The following ARHGAP32 variants were observed in gnomAD, a reference collection of about 807,000 sequenced individuals.
ARHGAP32 encodes Rho GTPase activating protein 32, also known as rho GTPase-activating protein 32.
Under a neutral mutation model 186.5 loss-of-function variants are expected in ARHGAP32, and 51 were observed. That is an observed-to-expected ratio of 0.27 (90% confidence interval 0.22 to 0.35). The LOEUF (loss-of-function observed/expected upper bound fraction) is 0.35. ARHGAP32 is among the 10% of genes least tolerant of loss of function. The pLI, the probability that ARHGAP32 is intolerant of heterozygous loss-of-function variation, is 1.00. For missense variants in ARHGAP32, 2,186 were observed against 2,623.5 expected (o/e 0.83, Z 3.64); for synonymous variants, 950 against 964.3 (o/e 0.99, Z 0.27).
At chr11:129,189,698 T>A (rs183527899) in intron 1 of ARHGAP32, among the ~76,000 whole-genome samples, 8 of 152,248 alleles carry the variant, frequency 5.3e-5, no homozygotes, top group African/African-American at 1.9e-4. Flanking sequence ...ACTACCACCA[T>A]GAAGGAGACC....
At chr11:128,989,842 A>C (rs1367342198) in intron 12 of ARHGAP32, among the ~76,000 whole-genome samples, 1 of 151,988 alleles carries the variant, frequency 6.6e-6, no homozygotes, top group Non-Finnish European at 1.5e-5. Context: ...TAGTTTGCTG[A>C]GAATGATGGC....
At chr11:129,015,637 C>T (rs1266409497) in intron 11 of ARHGAP32, among the ~76,000 whole-genome samples, 4 of 152,240 alleles carry the variant, frequency 2.6e-5, no homozygotes, top group African/African-American at 9.6e-5. Flanking sequence ...TAGCCATAAA[C>T]AATACTAACA....
chr11:129,074,734 C>T (rs12280795), intron 6 of ARHGAP32, among the ~76,000 whole-genome samples: 2,958 of 152,178 alleles, frequency 0.019, 46 homozygotes, highest in African/African-American at 0.041. Flanking sequence ...CCACATGATC[C>T]GCTCGCCTTG....
intron 2 of ARHGAP32, among the ~76,000 whole-genome samples, chr11:129,134,121 A>T (rs772475444): frequency 2.0e-4 from 30 of 152,124 alleles, no homozygotes; most frequent in Non-Finnish European, 3.7e-4. Flanking sequence ...ACGATCAAAC[A>T]GATCATCCCA....
At chr11:129,212,052 G>A (rs1238905484) in intron 1 of ARHGAP32, among the ~76,000 whole-genome samples, 1 of 152,150 alleles carries the variant, frequency 6.6e-6, no homozygotes, top group East Asian at 1.9e-4. Flanking sequence ...CTACTTGGGG[G>A]ACTGAGGTGG....
chr11:129,107,743 C>T (rs746002168), intron 5 of ARHGAP32, among the ~76,000 whole-genome samples: 3 of 152,002 alleles, frequency 2.0e-5, no homozygotes, highest in Non-Finnish European at 4.4e-5. Flanking sequence ...TGGCACATGC[C>T]TGTAATCCCA....
chr11:129,036,185 C>T (rs1939327040), intron 11 of ARHGAP32, among the ~76,000 whole-genome samples: 1 of 151,886 alleles, frequency 6.6e-6, no homozygotes, highest in Non-Finnish European at 1.5e-5. Context: ...TTGAGACCAG[C>T]CTGACCAACA....
chr11:129,128,865 G>A (rs191715302), intron 2 of ARHGAP32, among the ~76,000 whole-genome samples: 2,079 of 152,270 alleles, frequency 0.014, 16 homozygotes, highest in Middle Eastern at 0.02. Flanking sequence ...GATTGCAGAC[G>A]GAGTCTCGCT....
In ARHGAP32 at chr11:129,208,384, G is replaced by A. The variant is rs143186823; in HGVS notation, c.-4-43957C>T. ...TTAATAAACCTTGCTGAGCCTGGGC[G>A]TCCAGCATGTTAGTTCCAAGTAATG... On this transcript the variant is annotated intron_variant, in intron 1 of 6. Coordinates refer to the ARHGAP32 transcript ENST00000525234. 4.3e-4 allele frequency among the ~76,000 whole-genome samples: 65 copies of A among 152,214 alleles called. 1 individual carries two copies. The East Asian group carries it at 8.3e-3, about 19-fold the overall frequency.
chr11:129,128,822 T>C (rs1197796369), intron 2 of ARHGAP32, among the ~76,000 whole-genome samples: 1 of 152,216 alleles, frequency 6.6e-6, no homozygotes, highest in Non-Finnish European at 1.5e-5. Flanking sequence ...TGACCGCAAG[T>C]GATCTGCCTG....
At chr11:129,216,547 C>T (rs1408771821) in intron 1 of ARHGAP32, among the ~76,000 whole-genome samples, 2 of 151,662 alleles carry the variant, frequency 1.3e-5, no homozygotes, top group East Asian at 3.9e-4. Context: ...GTGGCTGGTG[C>T]CTGTAATCCC....
At chr11:129,248,803 A>AC (rs1481871589) in intron 1 of ARHGAP32, among the ~76,000 whole-genome samples, 1 of 152,112 alleles carries the variant, frequency 6.6e-6, no homozygotes, top group African/African-American at 2.4e-5. Flanking sequence ...GTTAACTATG[A>AC]CCATGTGTTT....
intron 1 of ARHGAP32, among the ~76,000 whole-genome samples, chr11:129,200,573 A>C (rs1350788218): frequency 6.6e-6 from 1 of 152,108 alleles, no homozygotes; most frequent in Non-Finnish European, 1.5e-5. Context: ...GCCACATAGA[A>C]CTGTGAGTCC....
chr11:128,969,627 C>G lies in ARHGAP32; in HGVS notation c.5586G>C (p.Thr1862=), dbSNP rs61746237. The G allele has an allele frequency of 1.2e-6, 2 of 1,614,032 alleles. No homozygotes were observed. The change falls in exon 23 of 23, where the codon ACG becomes ACC. Residue 1862 remains threonine, a synonymous_variant. Transcript: ENST00000682385. This position sits in a 1 kb window ranked among gnomAD's most constrained non-coding sequence, Gnocchi z 4.8. ...RAHHHGGHGS[T]QPEKPSLPQK... is the part of the protein sequence containing the mutation. ...GAGGCAGGGATGGCTTCTCCGGCTG[C>G]GTGCTACCATGGCCTCCGTGATGGT...
chr11:128,972,741 A>G lies in ARHGAP32; in HGVS notation c.3765T>C (p.Pro1255=). ...ADKSPTPPNL[P]SDKIYPPSGS... is the part of the protein sequence containing the mutation. ...CAGAAGGAGGGTAGATTTTATCGCTAGGTAAATTAGGAGGTGTGGGAGATT... is the reference window on the plus strand; with the variant it reads ...CAGAAGGAGGGTAGATTTTATCGCTGGGTAAATTAGGAGGTGTGGGAGATT... The change falls in exon 22 of 23, where the codon CCT becomes CCC. Residue 1255 remains proline (P), a synonymous_variant. Transcript: ENST00000682385. 6.2e-7 allele frequency: 1 copy of G among 1,613,924 alleles called. No homozygotes were observed. The highest frequency in any genetic ancestry group is 1.1e-5 in the South Asian group (1 of 91,074).
chr11:129,054,068 A>AC (rs1023394087), intron 10 of ARHGAP32, among the ~76,000 whole-genome samples: 1 of 151,652 alleles, frequency 6.6e-6, no homozygotes, highest in African/African-American at 2.4e-5. Context: ...CTTGAGGTAA[A>AC]AAAAAAAAAC....
chr11:129,128,664 G>C (rs1942719676), intron 2 of ARHGAP32, among the ~76,000 whole-genome samples: 1 of 139,576 alleles, frequency 7.2e-6, no homozygotes, highest in African/African-American at 2.7e-5. Context: ...CCGCCATCTC[G>C]GCTCACTGCA....
chr11:129,193,563 ATATATAATATATATATAT>A, upstream of ARHGAP32, among the ~76,000 whole-genome samples: 1 of 12,212 alleles, frequency 8.2e-5, no homozygotes, highest in South Asian at 7.9e-4. Context: ...TATATATATT[ATATATAATATATATATAT>A]TATATAATAT....
chr11:129,122,739 G>A (rs1179530352), intron 5 of ARHGAP32, among the ~76,000 whole-genome samples: 1 of 152,094 alleles, frequency 6.6e-6, no homozygotes, highest in Non-Finnish European at 1.5e-5. Flanking sequence ...CTTCTGGAGA[G>A]ACAGTGGTTA....
Sources: gnomAD v4.1 joint callset for allele counts (sites outside exome capture counted in the v4.1 genomes callset) on GRCh38, gnomAD v4.1.1 for gene constraint, Gnocchi (gnomAD v3.1) non-coding constraint, MANE v1.5 for transcripts, NCBI Gene and HGNC (gene_info 2026-07-23, HGNC 2026-07-21) for gene names.